Variants in ENTREP2 observed in about 807,000 individuals in gnomAD.
ENTREP2 encodes endosomal transmembrane epsin interactor 2.
At chr15:29,272,022 T>C in the ENTREP2 span, among the ~76,000 whole-genome samples, 2 of 152,186 alleles carry the variant, frequency 1.3e-5, no homozygotes, top group Non-Finnish European at 2.9e-5. Context: ...ACTACCCCTG[T>C]CACTGTGAAA....
the ENTREP2 span, among the ~76,000 whole-genome samples, chr15:29,634,701 C>T: frequency 2.6e-5 from 4 of 152,316 alleles, no homozygotes; most frequent in Admixed American, 2.0e-4. Context: ...GCAACAAGTC[C>T]GGGGCCTCCA....
the ENTREP2 span, among the ~76,000 whole-genome samples, chr15:29,219,183 T>C: frequency 1.3e-5 from 2 of 151,166 alleles, no homozygotes; most frequent in East Asian, 1.9e-4. Context: ...AAAGAAGATA[T>C]ACAAATGGCC....
At chr15:29,467,878 C>G in the ENTREP2 span, among the ~76,000 whole-genome samples, 21 of 152,158 alleles carry the variant, frequency 1.4e-4, no homozygotes, top group African/African-American at 5.1e-4. Context: ...ACCCACTGCC[C>G]TTCTCTGTTA....
chr15:29,478,874 C>T, the ENTREP2 span, among the ~76,000 whole-genome samples: 1 of 144,956 alleles, frequency 6.9e-6, no homozygotes, highest in Non-Finnish European at 1.5e-5. Context: ...GAGACTCTGT[C>T]TCAAAAAAAA....
At chr15:29,269,949 A>G in the ENTREP2 span, 1 of 462,956 alleles carries the variant, frequency 2.2e-6, no homozygotes, top group Non-Finnish European at 3.7e-6. Context: ...GATGATTTTT[A>G]GTATAGTGAA....
At chr15:29,651,667 T>C in the ENTREP2 span, among the ~76,000 whole-genome samples, 5 of 152,302 alleles carry the variant, frequency 3.3e-5, no homozygotes, top group East Asian at 7.7e-4. Context: ...TCTTGAAGCA[T>C]GGTTGGGGCC....
chr15:29,142,253 G>A, the ENTREP2 span, among the ~76,000 whole-genome samples: 1 of 152,192 alleles, frequency 6.6e-6, no homozygotes, highest in Non-Finnish European at 1.5e-5. Flanking sequence ...CAGGACAACA[G>A]ACCCATAACC....
At chr15:29,264,262 A>T in the ENTREP2 span, among the ~76,000 whole-genome samples, 1 of 151,918 alleles carries the variant, frequency 6.6e-6, no homozygotes, top group African/African-American at 2.4e-5. Context: ...AGGGGCTCCC[A>T]CTGGCCAAAT....
At chr15:29,440,481 A>G in the ENTREP2 span, among the ~76,000 whole-genome samples, 1 of 152,182 alleles carries the variant, frequency 6.6e-6, no homozygotes, top group Non-Finnish European at 1.5e-5. Context: ...TAAAATTACA[A>G]CCCTCACTCG....
the ENTREP2 span, among the ~76,000 whole-genome samples, chr15:29,134,521 T>A: frequency 6.6e-6 from 1 of 152,184 alleles, no homozygotes; most frequent in Non-Finnish European, 1.5e-5. Flanking sequence ...CAAGCCACCC[T>A]GAAGGAGGTC....
the ENTREP2 span, among the ~76,000 whole-genome samples, chr15:29,313,904 C>G: frequency 5.3e-5 from 8 of 152,142 alleles, no homozygotes; most frequent in African/African-American, 1.9e-4. Context: ...GGGAGGAGGT[C>G]AAAATAGCTA....
chr15:29,447,611 C>T, the ENTREP2 span, among the ~76,000 whole-genome samples: 1 of 151,524 alleles, frequency 6.6e-6, no homozygotes, highest in East Asian at 1.9e-4. Context: ...ACTACAGGTG[C>T]ATGCCACTGG....
the ENTREP2 span, among the ~76,000 whole-genome samples, chr15:29,195,794 G>A: frequency 2.0e-5 from 3 of 152,236 alleles, no homozygotes; most frequent in Admixed American, 1.3e-4. Context: ...CAAAGTGCTG[G>A]GATTACAGGC....
the ENTREP2 span, among the ~76,000 whole-genome samples, chr15:29,243,392 A>G: frequency 2.0e-5 from 3 of 152,330 alleles, no homozygotes; most frequent in East Asian, 1.9e-4. Context: ...AAGGACATCA[A>G]TCTGAGCGAT....
At chr15:29,371,911 AATAGATAGATAGATAG>A in the ENTREP2 span, among the ~76,000 whole-genome samples, 26,652 of 149,540 alleles carry the variant, frequency 0.18, 2,577 homozygotes, top group East Asian at 0.38. Context: ...AAAATAAATA[AATAGATAGATAGATAG>A]ATAGATAGAT....
At chr15:29,563,092 A>C in the ENTREP2 span, among the ~76,000 whole-genome samples, 3 of 152,154 alleles carry the variant, frequency 2.0e-5, no homozygotes, top group Non-Finnish European at 4.4e-5. Context: ...CGCCCTGTCA[A>C]GTTTTTCTCC....
the ENTREP2 span, among the ~76,000 whole-genome samples, chr15:29,336,980 A>T: frequency 6.6e-6 from 1 of 152,040 alleles, no homozygotes; most frequent in Admixed American, 6.5e-5. Context: ...CATCTTACAG[A>T]TCTCCTTCCC....
the ENTREP2 span, among the ~76,000 whole-genome samples, chr15:29,629,721 TTTAC>T: frequency 3.3e-5 from 5 of 152,072 alleles, no homozygotes; most frequent in African/African-American, 1.2e-4. Flanking sequence ...GTTTGCCCTT[TTTAC>T]TTATTCTATT....
At chr15:29,155,617 G>A in the ENTREP2 span, among the ~76,000 whole-genome samples, 1 of 152,182 alleles carries the variant, frequency 6.6e-6, no homozygotes, top group Non-Finnish European at 1.5e-5. Context: ...TCCAGGCCTT[G>A]ATCCCCCTCA....
Sources: allele counts gnomAD v4.1 joint callset (sites outside exome capture counted in the v4.1 genomes callset), GRCh38; gene constraint gnomAD v4.1.1; transcripts MANE v1.5; gene names NCBI Gene and HGNC (gene_info 2026-07-23, HGNC 2026-07-21).